WDR72: variants seen among roughly 807,000 people sequenced by gnomAD.
WDR72 encodes the protein WD repeat-containing protein 72.
A neutral mutation model predicts 124.2 loss-of-function variants in WDR72; 120 were observed. The ratio of observed to expected loss-of-function variants is 0.97; its 90% CI spans 0.83 to 1.12. The LOEUF (loss-of-function observed/expected upper bound fraction) is 1.12, where lower values mean the gene tolerates loss of function less well. Ranked by LOEUF, WDR72 falls within the 50% of genes most tolerant of loss-of-function variation. The pLI is 0.00. For synonymous variants in WDR72, 452 were observed against 441.7 expected (o/e 1.02, Z -0.29); for missense variants, 1,387 against 1,278.8 (o/e 1.08, Z -1.29).
intron 13 of WDR72, among the ~76,000 whole-genome samples, chr15:53,675,535 A>C (rs1402452127): frequency 6.6e-6 from 1 of 152,122 alleles, no homozygotes; most frequent in African/African-American, 2.4e-5. Flanking sequence ...ACTGCTACTG[A>C]GTATTTCAAA....
chr15:53,745,475 A>G (rs2018620744), intron 1 of WDR72, among the ~76,000 whole-genome samples: 2 of 152,206 alleles, frequency 1.3e-5, no homozygotes, highest in African/African-American at 4.8e-5. Context: ...CTTCTAAACT[A>G]TATGATGATC....
At chr15:53,756,486 T>C (rs548071252) in intron 1 of WDR72, among the ~76,000 whole-genome samples, 1 of 152,292 alleles carries the variant, frequency 6.6e-6, no homozygotes, top group African/African-American at 2.4e-5. Context: ...AAATGTCAAT[T>C]AACCAAAAGG....
intron 1 of WDR72, among the ~76,000 whole-genome samples, chr15:53,742,333 T>G (rs1471658839): frequency 6.6e-6 from 1 of 152,192 alleles, no homozygotes; most frequent in Non-Finnish European, 1.5e-5. Flanking sequence ...AGAATCTCTG[T>G]GGTGCGGAGG....
intron 13 of WDR72, among the ~76,000 whole-genome samples, chr15:53,674,480 A>C (rs1326618168): frequency 6.6e-6 from 1 of 152,208 alleles, no homozygotes; most frequent in Non-Finnish European, 1.5e-5. Context: ...TTACTCCAGG[A>C]AATGTATAAC....
chr15:53,687,579 C>T (rs2016684283), intron 13 of WDR72, among the ~76,000 whole-genome samples: 1 of 148,818 alleles, frequency 6.7e-6, no homozygotes, highest in South Asian at 2.2e-4. Context: ...AATAGCTTAC[C>T]AACCAAAAAG....
chr15:53,528,058 C>A (rs1254953728), intron 18 of WDR72, among the ~76,000 whole-genome samples: 2 of 151,970 alleles, frequency 1.3e-5, no homozygotes, highest in Non-Finnish European at 2.9e-5. Context: ...CAAAAGACTG[C>A]AAGATATTTT....
At position 53,702,149 on chromosome 15, in the gene WDR72, T is replaced by C; in HGVS notation, c.1554A>G (p.Ser518=). Residue 518 remains serine (S), a synonymous_variant, in exon 12 of 20, where the codon TCA becomes TCG. Coordinates refer to ENST00000360509, the MANE Select transcript of WDR72 (RefSeq NM_182758.4). ...TTCGTCTTACTTTAAACTTCTCTGG[T>C]GACATCAAAAGACTTGTTACTGGAC... is the stretch of plus-strand genomic sequence containing the variant. ...EAGPVTSLLM[S]PEKFKLRGEQ... The C allele has an allele frequency of 6.2e-7, 1 of 1,613,464 alleles. No individual in the cohort carries two copies. The highest frequency in any genetic ancestry group is 8.5e-7 in the Non-Finnish European group (1 of 1,179,794).
rs906508774 is a variant in WDR72 at position 53,688,099 on chromosome 15, C to T, written c.1765+11651G>A. Among the ~76,000 whole-genome samples the T allele has an allele frequency of 3.4e-5, 5 of 148,436 alleles. 1 individual carries two copies. Among genetic ancestry groups the T allele is most frequent in the East Asian group, 4.0e-4 (2 of 5,028 alleles). ...GAGCTATCTATGACAAACCCACAGC[C>T]GATATCATACTGAATGGGCAAAAAC... On this transcript the variant is annotated intron_variant, in intron 13 of 19. Coordinates refer to ENST00000360509, the MANE Select transcript of WDR72 (RefSeq NM_182758.4).
chr15:53,613,578 G>T, intron 16 of WDR72, 88 bp downstream of exon 16: 1 of 852,596 alleles, frequency 1.2e-6, no homozygotes, highest in South Asian at 1.4e-5. Context: ...TATTTATTTT[G>T]ACACTGCTAA....
At chr15:53,719,815 T>C (rs2017822482) in intron 3 of WDR72, among the ~76,000 whole-genome samples, 1 of 152,204 alleles carries the variant, frequency 6.6e-6, no homozygotes, top group African/African-American at 2.4e-5. Flanking sequence ...CAGGTGATTC[T>C]GGTGCACGCT....
chr15:53,592,069 C>T (rs1230671419), intron 18 of WDR72, among the ~76,000 whole-genome samples: 1 of 151,996 alleles, frequency 6.6e-6, no homozygotes, highest in African/African-American at 2.4e-5. Context: ...TATCACTGTG[C>T]TTTGCCCCTA....
At chr15:53,705,621 C>G (rs546727210) in intron 10 of WDR72, among the ~76,000 whole-genome samples, 55 of 152,134 alleles carry the variant, frequency 3.6e-4, no homozygotes, top group African/African-American at 1.3e-3. Context: ...TGCTGCCATG[C>G]CTGGCTAATT....
At chr15:53,707,057 G>A (rs1471992511) in intron 9 of WDR72, among the ~76,000 whole-genome samples, 1 of 151,968 alleles carries the variant, frequency 6.6e-6, no homozygotes, top group Non-Finnish European at 1.5e-5. Context: ...TCATTTAAGC[G>A]ATTACAAAAA....
chr15:53,660,187 G>A (rs1204836841), intron 14 of WDR72, among the ~76,000 whole-genome samples: 1 of 151,376 alleles, frequency 6.6e-6, no homozygotes, highest in Non-Finnish European at 1.5e-5. Flanking sequence ...CCTATATAAT[G>A]CAATTTATTG....
chr15:53,595,093 A>G (rs906670799), intron 18 of WDR72, among the ~76,000 whole-genome samples: 8 of 152,110 alleles, frequency 5.3e-5, no homozygotes, highest in Non-Finnish European at 1.0e-4. Context: ...TAAATAAAGT[A>G]TTCTAAATTT....
intron 18 of WDR72, among the ~76,000 whole-genome samples, chr15:53,556,519 C>T (rs533394205): frequency 1.9e-4 from 29 of 152,128 alleles, no homozygotes; most frequent in Non-Finnish European, 3.7e-4. Context: ...TCAACTGTCA[C>T]CCATATCACC....
intron 17 of WDR72, among the ~76,000 whole-genome samples, chr15:53,603,684 A>G (rs2013145219): frequency 6.6e-6 from 1 of 151,770 alleles, no homozygotes; most frequent in Non-Finnish European, 1.5e-5. Flanking sequence ...CATTCCTATA[A>G]ACAACAGTCA....
intron 14 of WDR72, among the ~76,000 whole-genome samples, chr15:53,628,827 A>T (rs1199840930): frequency 3.9e-5 from 6 of 152,238 alleles, no homozygotes; most frequent in Non-Finnish European, 7.4e-5. Flanking sequence ...ATTAAAAAAA[A>T]ACTTAAAATG....
chr15:53,730,840 A>G (rs746960456), intron 2 of WDR72, among the ~76,000 whole-genome samples: 3 of 152,142 alleles, frequency 2.0e-5, no homozygotes, highest in Non-Finnish European at 4.4e-5. Context: ...TAATCTACTC[A>G]CTTGACCACC....
Sources: gnomAD v4.1 joint callset for allele counts (sites outside exome capture counted in the v4.1 genomes callset) on GRCh38, gnomAD v4.1.1 for gene constraint, MANE v1.5 for transcripts, NCBI Gene and HGNC (gene_info 2026-07-23, HGNC 2026-07-21) for gene names.